Variants in CBFA2T2 observed in about 807,000 individuals in gnomAD.
CBFA2T2 encodes CBFA2/RUNX1 partner transcriptional co-repressor 2.
In CBFA2T2, 11 loss-of-function variants were observed where a neutral mutation model predicts 62.2. The ratio of observed to expected loss-of-function variants is 0.18; its 90% CI spans 0.11 to 0.29. The LOEUF (loss-of-function observed/expected upper bound fraction) is 0.29. CBFA2T2 is among the 10% of genes least tolerant of loss of function. CBFA2T2 has a pLI of 1.00. For missense variants in CBFA2T2, 592 were observed against 774.1 expected, an observed-to-expected ratio of 0.76 and a Z score of 2.79; for synonymous variants, 295 against 287.5, an observed-to-expected ratio of 1.03 and a Z score of -0.27.
intron 1 of CBFA2T2, among the ~76,000 whole-genome samples, chr20:33,589,341 C>A (rs983291123): frequency 3.3e-5 from 5 of 152,278 alleles, no homozygotes; most frequent in African/African-American, 1.2e-4. Context: ...ACCCCCAATG[C>A]ATTGTAATAA....
intron 6 of CBFA2T2, 102 bp downstream of exon 6, chr20:33,625,119 G>A: frequency 1.7e-6 from 2 of 1,157,532 alleles, no homozygotes; most frequent in Non-Finnish European, 2.5e-6. Context: ...CCCACTGATT[G>A]GATAAAACAA....
intron 1 of CBFA2T2, among the ~76,000 whole-genome samples, chr20:33,548,871 A>T (rs2012652808): frequency 6.6e-6 from 1 of 152,100 alleles, no homozygotes; most frequent in African/African-American, 2.4e-5. Context: ...CAGGAAGATC[A>T]CTTGAGCCCA....
chr20:33,570,853 G>A (rs1489714265), intron 1 of CBFA2T2, among the ~76,000 whole-genome samples: 1 of 152,196 alleles, frequency 6.6e-6, no homozygotes, highest in Non-Finnish European at 1.5e-5. Flanking sequence ...CAATGAAACT[G>A]GAAATAAGTT....
chr20:33,641,809 C>T (rs1916176674), intron 10 of CBFA2T2, among the ~76,000 whole-genome samples: 1 of 151,342 alleles, frequency 6.6e-6, no homozygotes, highest in South Asian at 2.1e-4. Context: ...TCTTGAACTC[C>T]TAGCCTCAAG....
At chr20:33,503,201 CACAT>C (rs943843870) in intron 1 of CBFA2T2, among the ~76,000 whole-genome samples, 3 of 150,082 alleles carry the variant, frequency 2.0e-5, no homozygotes, top group African/African-American at 7.3e-5. Context: ...TATATACACA[CACAT>C]ACATATACAC....
chr20:33,637,314 G>A (rs964717994), intron 9 of CBFA2T2, among the ~76,000 whole-genome samples: 1 of 152,082 alleles, frequency 6.6e-6, no homozygotes, highest in Non-Finnish European at 1.5e-5. Context: ...CATTTTTTAA[G>A]TCCAATACAA....
At chr20:33,562,510 A>G (rs1416622382) in intron 1 of CBFA2T2, 1 of 985,788 alleles carries the variant, frequency 1.0e-6, no homozygotes, top group Non-Finnish European at 1.2e-6. Flanking sequence ...GAAATCGCAG[A>G]TGTGAGAGAG....
At chr20:33,582,813 G>A (rs1369840503) in intron 1 of CBFA2T2, among the ~76,000 whole-genome samples, 9 of 151,630 alleles carry the variant, frequency 5.9e-5, no homozygotes, top group South Asian at 2.1e-4. Context: ...GTGGTAGCAC[G>A]TGCCTGTAAT....
At chr20:33,597,229 G>A (rs1486075778) in intron 1 of CBFA2T2, among the ~76,000 whole-genome samples, 1 of 151,946 alleles carries the variant, frequency 6.6e-6, no homozygotes, top group East Asian at 1.9e-4. Context: ...ACTGTACCCG[G>A]CCTTTTGACC....
rs1270616237 is a variant in CBFA2T2 at position 33,623,254 on chromosome 20, T to C, written c.650T>C (p.Leu217Pro). The C allele has an allele frequency of 1.9e-6, 3 of 1,614,206 alleles. No individual in the cohort carries two copies. Among genetic ancestry groups the C allele is most frequent in the African/African-American group, 1.3e-5 (1 of 75,060 alleles). Residue 217 changes from leucine to proline, a missense_variant, in exon 5 of 11, where the codon CTC (leucine) becomes CCC (proline). Transcript: ENST00000342704. ...TCGCCTGCTGACTCGTCAGAGTTGC[T>C]CATGGAGGTGCACGGAAATGGGAAG... ...IASPADSSELLMEVHGNGKRP... is the reference protein window; with the variant it reads ...IASPADSSELPMEVHGNGKRP...
Position 33,603,417 on chromosome 20 carries a change from A to G in CBFA2T2, c.35-3539A>G, listed in dbSNP as rs145696573. ...CTTCCCATGGTTTAGGTGTTGAACCATAAGTCATTTTGGAAATGCATGCTG... is the reference window on the plus strand; with the variant it reads ...CTTCCCATGGTTTAGGTGTTGAACCGTAAGTCATTTTGGAAATGCATGCTG... On this transcript the variant is annotated intron_variant, in intron 1 of 10. Transcript: ENST00000342704. Among the ~76,000 whole-genome samples the G allele has an allele frequency of 3.5e-3, 534 of 152,362 alleles. 4 individuals are homozygous for G. Among genetic ancestry groups the G allele is most frequent in the African/African-American group, 0.012 (511 of 41,580 alleles).
At position 33,530,773 on chromosome 20, in the gene CBFA2T2, T is replaced by C. The variant is rs562675299; in HGVS notation, c.34+40472T>C. On this transcript the variant is annotated intron_variant, in intron 1 of 10. Transcript: ENST00000342704. Reference sequence around the variant, plus strand: ...ATAAAAGCACATGAACAAAGTGCGGTGCGTGTTCCATGAAAATAAAGATGG... The same window carrying C: ...ATAAAAGCACATGAACAAAGTGCGGCGCGTGTTCCATGAAAATAAAGATGG... Among the ~76,000 whole-genome samples the C allele has an allele frequency of 5.3e-4, 81 of 151,904 alleles. 2 individuals are homozygous for C. Among genetic ancestry groups the C allele is most frequent in the Non-Finnish European group, 1.5e-5 (1 of 67,920 alleles).
At chr20:33,633,067 A>C (rs2016509858) in intron 8 of CBFA2T2, among the ~76,000 whole-genome samples, 1 of 151,844 alleles carries the variant, frequency 6.6e-6, no homozygotes, top group African/African-American at 2.4e-5. Flanking sequence ...CCAAGTAATT[A>C]GTGTTTTTAA....
chr20:33,623,351 C>G (rs1163091356), intron 5 of CBFA2T2, 55 bp downstream of exon 5: 2 of 1,583,302 alleles, frequency 1.3e-6, no homozygotes, highest in East Asian at 4.5e-5. Flanking sequence ...TGGTCCTCCC[C>G]TTTGCTTATA....
chr20:33,581,735 T>C (rs2050199), intron 1 of CBFA2T2, among the ~76,000 whole-genome samples: 2,609 of 152,332 alleles, frequency 0.017, 66 homozygotes, highest in African/African-American at 0.06. Flanking sequence ...CTATGCTGTG[T>C]AGGCCATCTG....
intron 3 of CBFA2T2, among the ~76,000 whole-genome samples, chr20:33,618,151 G>T (rs576635281): frequency 1.4e-5 from 2 of 147,544 alleles, no homozygotes; most frequent in East Asian, 2.0e-4. Flanking sequence ...GTAGCTTTCT[G>T]TTGGTAGATC....
intron 8 of CBFA2T2, among the ~76,000 whole-genome samples, chr20:33,636,415 A>G (rs2016633235): frequency 6.6e-6 from 1 of 152,210 alleles, no homozygotes; most frequent in African/African-American, 2.4e-5. Flanking sequence ...TAATCTCACT[A>G]CTTTGAAATA....
At position 33,616,131 on chromosome 20, in the gene CBFA2T2, A is replaced by AGATAGATG. The variant is rs1555845596; in HGVS notation, c.421-3383_421-3382insAGATGGAT. ...TAGATAGATAGATAGATAGATAGAT[A>AGATAGATG]GATGACAGAGCAATACTCTGTAGAT... is the stretch of plus-strand genomic sequence containing the variant. On this transcript the variant is annotated intron_variant, in intron 3 of 10. Transcript: ENST00000342704. Among the ~76,000 whole-genome samples the AGATAGATG allele has an allele frequency of 1.6e-3, 228 of 146,846 alleles. 1 individual carries two copies. The highest frequency in any genetic ancestry group is 4.2e-3 in the African/African-American group (167 of 39,940).
intron 5 of CBFA2T2, among the ~76,000 whole-genome samples, 187 bp downstream of exon 5, chr20:33,623,483 C>G (rs1221164096): frequency 2.0e-5 from 3 of 152,230 alleles, no homozygotes; most frequent in Non-Finnish European, 2.9e-5. Context: ...GCCTCCATCT[C>G]CTGGGCTCAA....
Sources: allele counts gnomAD v4.1 joint callset (sites outside exome capture counted in the v4.1 genomes callset), GRCh38; gene constraint gnomAD v4.1.1; transcripts MANE v1.5; gene names NCBI Gene and HGNC (gene_info 2026-07-23, HGNC 2026-07-21).